PTPN3: variants seen among roughly 807,000 people sequenced by gnomAD.
PTPN3 encodes the protein protein tyrosine phosphatase non-receptor type 3.
Under a neutral mutation model 132.7 loss-of-function variants are expected in PTPN3, and 96 were observed. The ratio of observed to expected loss-of-function variants is 0.72; its 90% CI spans 0.61 to 0.86. The LOEUF (loss-of-function observed/expected upper bound fraction) is 0.86, where lower values mean the gene tolerates loss of function less well. Among genes scored for constraint, PTPN3 ranks in the 40% least tolerant of loss-of-function variants. The pLI, the probability that PTPN3 is intolerant of heterozygous loss-of-function variation, is 0.00. For synonymous variants in PTPN3, 398 were observed against 429.0 expected (o/e 0.93, Z 0.89); for missense variants, 1,125 against 1,159.6 (o/e 0.97, Z 0.43).
At chr9:109,416,301 A>C (rs1421790953) in intron 14 of PTPN3, among the ~76,000 whole-genome samples, 1 of 152,202 alleles carries the variant, frequency 6.6e-6, no homozygotes, top group Non-Finnish European at 1.5e-5. Flanking sequence ...GTCTAACGAC[A>C]GAGCACACAG....
chr9:109,456,619 C>A (rs1287373525), intron 4 of PTPN3, among the ~76,000 whole-genome samples: 1 of 152,056 alleles, frequency 6.6e-6, no homozygotes, highest in East Asian at 1.9e-4. Flanking sequence ...AACATCAGGC[C>A]GAGAGCAGAT....
chr9:109,495,768 C>T (rs1847641396), intron 1 of PTPN3, among the ~76,000 whole-genome samples: 2 of 152,202 alleles, frequency 1.3e-5, no homozygotes, highest in Admixed American at 1.3e-4. Flanking sequence ...TTAAAACTAC[C>T]AGAGTATCTT....
In PTPN3 at chr9:109,377,459, A is replaced by ACACACACACAC. The variant is rs1564361892; in HGVS notation, c.*2096_*2097insGTGTGTGTGTG. The ACACACACACAC allele has an allele frequency of 7.6e-5, 8 of 104,576 alleles. No individual in the cohort carries two copies. Among genetic ancestry groups the ACACACACACAC allele is most frequent in the East Asian group, 5.5e-4 (2 of 3,620 alleles). The allele number at this position is 104,576 out of a possible 1,614,324, so 6.5% of individuals were successfully genotyped here. On this transcript the variant is annotated 3_prime_UTR_variant, in exon 26 of 26. Transcript: ENST00000374541. ...ACACACACACACACACACACACACA[A>ACACACACACAC]GCCAGGTGAGGTGGCATGTGCCTAT...
At chr9:109,430,247 C>A (rs919877246) in intron 10 of PTPN3, among the ~76,000 whole-genome samples, 1 of 152,154 alleles carries the variant, frequency 6.6e-6, no homozygotes, top group Non-Finnish European at 1.5e-5. Context: ...CAGAACGAGT[C>A]AGGAGAATCA....
At chr9:109,495,681 C>A (rs1847638778) in intron 1 of PTPN3, among the ~76,000 whole-genome samples, 1 of 152,194 alleles carries the variant, frequency 6.6e-6, no homozygotes, top group African/African-American at 2.4e-5. Flanking sequence ...ACCTCGGAAC[C>A]CCAGCTTTTT....
chr9:109,439,269 G>A (rs1413507462), intron 7 of PTPN3, among the ~76,000 whole-genome samples: 6 of 152,178 alleles, frequency 3.9e-5, no homozygotes, highest in Admixed American at 3.9e-4. Context: ...TTTCCCATTT[G>A]TCTAAAAACA....
intron 10 of PTPN3, among the ~76,000 whole-genome samples, chr9:109,430,011 C>T (rs575990190): frequency 2.6e-5 from 4 of 152,260 alleles, no homozygotes; most frequent in Non-Finnish European, 5.9e-5. Context: ...TAGATATTAC[C>T]TAATACACAT....
rs1838845603 is a variant in PTPN3, at chr9:109,379,539, A to G, written c.*17T>C. 6.2e-7 allele frequency: 1 copy of G among 1,605,414 alleles called. No homozygotes were observed. The highest frequency in any genetic ancestry group is 8.5e-7 in the Non-Finnish European group (1 of 1,172,152). On this transcript the variant is annotated 3_prime_UTR_variant, in exon 26 of 26. Coordinates refer to ENST00000374541, the MANE Select transcript of PTPN3 (RefSeq NM_002829.4). ...GGATGCCCTTGGGAAAGAGGAATGA[A>G]CTTTTTCACAGTTGTCTTAACTAGG...
rs755574931 is a variant in PTPN3 at position 109,379,549 on chromosome 9, AGTT to A, written c.*4_*6del. 1 of 1,610,742 alleles carries A rather than the reference AGTT, an allele frequency of 6.2e-7. No individual in the cohort carries two copies. Among genetic ancestry groups the A allele is most frequent in the South Asian group, 1.1e-5 (1 of 90,972 alleles). On this transcript the variant is annotated 3_prime_UTR_variant, in exon 26 of 26. Coordinates refer to ENST00000374541, the MANE Select transcript of PTPN3 (RefSeq NM_002829.4). ...GGGAAAGAGGAATGAACTTTTTCAC[AGTT>A]GTCTTAACTAGGATCCAGCATTTGG... is the stretch of plus-strand genomic sequence containing the variant.
Position 109,383,186 on chromosome 9 carries a change from G to A in PTPN3, c.2382+237C>T, listed in dbSNP as rs149145203. ...ATATTCCATTGTATGGACAGACCACGTGCTGTTTATCCATTCCTCCATCGA... is the reference window on the plus strand; with the variant it reads ...ATATTCCATTGTATGGACAGACCACATGCTGTTTATCCATTCCTCCATCGA... On this transcript the variant is annotated intron_variant, in intron 23 of 25. Transcript: ENST00000374541. The A allele has an allele frequency of 2.7e-3, 1,637 of 596,986 alleles. 6 individuals are homozygous for A. Among genetic ancestry groups the A allele is most frequent in the Non-Finnish European group, 4.3e-3 (1,448 of 338,206 alleles). 37.0% of individuals were successfully genotyped at this position (596,986 alleles called of 1,614,324 possible). A position where few individuals can be genotyped will look rare whatever the true frequency, so the allele number is the denominator to read the frequency against.
At chr9:109,521,083 A>G in the PTPN3 span, among the ~76,000 whole-genome samples, 2 of 152,190 alleles carry the variant, frequency 1.3e-5, no homozygotes, top group South Asian at 4.1e-4. Flanking sequence ...TGTAGAGAAC[A>G]ATGAATCAAC....
rs761664236 is a variant in PTPN3 at position 109,389,362 on chromosome 9, A to G, written c.2124T>C (p.Ala708=). 20 of 1,613,490 alleles carry G rather than the reference A, an allele frequency of 1.2e-5. No individual in the cohort carries two copies. The highest frequency in any genetic ancestry group is 1.4e-5 in the Non-Finnish European group (17 of 1,179,806). The change falls in exon 22 of 26, where the codon GCT becomes GCC. Residue 708 remains alanine, a synonymous_variant. Transcript: ENST00000374541. ...TGGCGATGTACTTGTTCACAAGGTT[A>G]GCAGCAGGAATTTCCATCTGGTAAG... The part of the protein sequence containing the change: ...ASYVNMEIPA[A]NLVNKYIATQ...
In PTPN3 at chr9:109,407,748, T is replaced by G. The variant is rs953220384; in HGVS notation, c.1635+573A>C. On this transcript the variant is annotated intron_variant, in intron 17 of 25. Transcript: ENST00000374541. ...TTTGTAGAGATGGGTTTCACCCTGT[T>G]GGCCAGGCAGGTTGGTCTCAAACTC... is the stretch of plus-strand genomic sequence containing the variant. 5.9e-5 allele frequency among the ~76,000 whole-genome samples: 9 copies of G among 152,330 alleles called. No homozygotes were observed. The East Asian group carries it at 1.7e-3, about 29-fold the overall frequency.
intron 1 of PTPN3, among the ~76,000 whole-genome samples, chr9:109,477,996 C>T (rs954934165): frequency 8.5e-5 from 13 of 152,288 alleles, no homozygotes; most frequent in African/African-American, 1.7e-4. Context: ...AACAAGGGGG[C>T]GGCAACCTGG....
intron 7 of PTPN3, among the ~76,000 whole-genome samples, chr9:109,442,131 T>C (rs1027021302): frequency 6.6e-6 from 1 of 152,128 alleles, no homozygotes; most frequent in African/African-American, 2.4e-5. Flanking sequence ...CACTGCAGCC[T>C]TGACCTCCAG....
chr9:109,533,226 GC>G, the PTPN3 span, among the ~76,000 whole-genome samples: 2 of 135,594 alleles, frequency 1.5e-5, no homozygotes, highest in African/African-American at 5.6e-5. Context: ...CTCACTGCAA[GC>G]TCCGCTTCCC....
the PTPN3 span, among the ~76,000 whole-genome samples, chr9:109,515,487 G>A: frequency 1.3e-5 from 2 of 152,196 alleles, no homozygotes; most frequent in Non-Finnish European, 2.9e-5. Flanking sequence ...CACCTGAGAA[G>A]CCTGAGTTTG....
At chr9:109,497,690 G>A (rs1235736051) in intron 1 of PTPN3, among the ~76,000 whole-genome samples, 1 of 152,298 alleles carries the variant, frequency 6.6e-6, no homozygotes, top group East Asian at 1.9e-4. Context: ...ATCGTCCGCG[G>A]AACGGGGAGG....
Position 109,427,100 on chromosome 9 carries a change from A to G in PTPN3, c.851T>C (p.Val284Ala). The part of the protein sequence containing the change: ...QKQAESREHI[V>A]AFNMLNYRSC... ...TCGGTAATTCAGCATGTTGAAGGCC[A>G]CAATATGTTCCCTGGATTCAGCCTG... The change falls in exon 12 of 26, where the codon GTG (valine) becomes GCG (alanine). Residue 284 changes from valine to alanine, a missense_variant. Coordinates refer to ENST00000374541, the MANE Select transcript of PTPN3 (RefSeq NM_002829.4). 1 of 1,614,174 alleles carries G rather than the reference A, an allele frequency of 6.2e-7. No individual in the cohort carries two copies. The highest frequency in any genetic ancestry group is 1.1e-5 in the South Asian group (1 of 91,074).
Sources: allele counts gnomAD v4.1 joint callset (sites outside exome capture counted in the v4.1 genomes callset), GRCh38; gene constraint gnomAD v4.1.1; transcripts MANE v1.5; gene names NCBI Gene and HGNC (gene_info 2026-07-23, HGNC 2026-07-21).